SORL1: variants seen among roughly 807,000 people sequenced by gnomAD.
SORL1 encodes the protein sortilin-related receptor.
SORL1 carries 127 observed loss-of-function variants against 273.7 expected under a neutral mutation model. The ratio of observed to expected loss-of-function variants is 0.46; its 90% CI spans 0.40 to 0.54. The LOEUF (loss-of-function observed/expected upper bound fraction) is 0.54. SORL1 is among the 20% of genes least tolerant of loss of function. The pLI is 0.00. For missense variants in SORL1, 2,494 were observed against 2,846.1 expected (o/e 0.88, Z 2.81); for synonymous variants, 1,031 against 1,067.4 (o/e 0.97, Z 0.66).
At chr11:121,470,149 C>CCAAGGTGTGCCCAG in intron 2 of SORL1, 26 bp downstream of exon 2, 3 of 1,478,512 alleles carry the variant, frequency 2.0e-6, no homozygotes, top group Non-Finnish European at 2.8e-6. Context: ...GCTCTGGGCA[C>CCAAGGTGTGCCCAG]ACCTTGGTGC....
chr11:121,502,042 G>A (rs750750832), intron 6 of SORL1, among the ~76,000 whole-genome samples: 2 of 150,630 alleles, frequency 1.3e-5, no homozygotes, highest in Non-Finnish European at 2.9e-5. Flanking sequence ...GTGAATGTTC[G>A]TGTGCACGTT....
chr11:121,493,005 G>A (rs1444217803), intron 5 of SORL1, among the ~76,000 whole-genome samples: 1 of 151,952 alleles, frequency 6.6e-6, no homozygotes, highest in Admixed American at 6.6e-5. Context: ...TTTAGTGAGA[G>A]TCTCACTCTG....
chr11:121,481,159 T>C (rs552156953), intron 3 of SORL1, among the ~76,000 whole-genome samples: 5 of 125,654 alleles, frequency 4.0e-5, no homozygotes, highest in Admixed American at 3.8e-4. Context: ...GCTTCTTCCG[T>C]AGTGCACAGA....
chr11:121,531,760 A>T (rs1862205353), intron 11 of SORL1, among the ~76,000 whole-genome samples: 1 of 152,226 alleles, frequency 6.6e-6, no homozygotes, highest in Non-Finnish European at 1.5e-5. Context: ...GTAAGTTCAT[A>T]TACAAAATTA....
chr11:121,598,373 C>G (rs913799758), intron 32 of SORL1, among the ~76,000 whole-genome samples: 1 of 152,220 alleles, frequency 6.6e-6, no homozygotes, highest in South Asian at 2.1e-4. Flanking sequence ...GGGTTTTCCC[C>G]AGGATGACAG....
chr11:121,560,299 G>A (rs1323588406), intron 21 of SORL1, among the ~76,000 whole-genome samples: 1 of 152,228 alleles, frequency 6.6e-6, no homozygotes, highest in Non-Finnish European at 1.5e-5. Context: ...TGCAGTGGGT[G>A]CAGACAGTAG....
chr11:121,524,509 G>A (rs564545342), intron 11 of SORL1, among the ~76,000 whole-genome samples: 3 of 152,328 alleles, frequency 2.0e-5, no homozygotes, highest in Admixed American at 2.0e-4. Context: ...GAGTTTATCT[G>A]TGTGAGTGGG....
rs760825480 is a variant in SORL1 at position 121,588,136 on chromosome 11, G to A, written c.3931G>A (p.Ala1311Thr). ...CCGCGACGGGTCCGATGAGGATGCGGCGTTTGCAGGATGCTGTGAGTTGGG... is the reference window on the plus strand; with the variant it reads ...CCGCGACGGGTCCGATGAGGATGCGACGTTTGCAGGATGCTGTGAGTTGGG... ...QCRDGSDEDAAFAGCSQDPEF... is the reference protein window; with the variant it reads ...QCRDGSDEDATFAGCSQDPEF... The change falls in exon 28 of 48, where the codon GCG becomes ACG. Residue 1311 changes from alanine (A) to threonine (T), a missense_variant. Physicochemically the swap from Ala to Thr is moderately conservative, Grantham distance 58. Around this residue, in one of 3 missense-constraint regions of SORL1, gnomAD observed 1,609 missense variants for 1,816.4 expected, o/e 0.89. Transcript: ENST00000260197. 2 of 1,613,414 alleles carry A rather than the reference G, an allele frequency of 1.2e-6. No homozygotes were observed. Among genetic ancestry groups the A allele is most frequent in the South Asian group, 2.2e-5 (2 of 91,028 alleles).
At chr11:121,540,527 A>AAAAAAAAAAAAAAAAAAAAAAAAAAAC (rs1862332673) in intron 12 of SORL1, among the ~76,000 whole-genome samples, 1 of 150,136 alleles carries the variant, frequency 6.7e-6, no homozygotes, top group Non-Finnish European at 1.5e-5. Context: ...AAATACAAAA[A>AAAAAAAAAAAAAAAAAAAAAAAAAAAC]AAAAAAAAAG....
intron 21 of SORL1, 145 bp from the exon 22 acceptor site, chr11:121,566,795 G>T (rs186209904): frequency 1.3e-5 from 9 of 697,396 alleles, no homozygotes; most frequent in Middle Eastern, 4.1e-4. Context: ...CACAGTAGGC[G>T]CCCCAAAGCT....
At position 121,532,571 on chromosome 11, in the gene SORL1, G is replaced by A; in HGVS notation, c.1685+19G>A. Reference sequence around the variant, plus strand: ...AGCTAAAGTAAGTGTCTCTGATGAGGCCTTTTAACATCAAACTTTCTCCCA... The same window carrying A: ...AGCTAAAGTAAGTGTCTCTGATGAGACCTTTTAACATCAAACTTTCTCCCA... On this transcript the variant is annotated intron_variant, in intron 12 of 47. Transcript: ENST00000260197. 2 of 1,595,978 alleles carry A rather than the reference G, an allele frequency of 1.3e-6. No individual in the cohort carries two copies. Among genetic ancestry groups the A allele is most frequent in the Non-Finnish European group, 8.6e-7 (1 of 1,163,696 alleles).
At chr11:121,584,357 T>C (rs1325246090) in intron 26 of SORL1, among the ~76,000 whole-genome samples, 1 of 152,262 alleles carries the variant, frequency 6.6e-6, no homozygotes, top group Non-Finnish European at 1.5e-5. Flanking sequence ...TTGCCTCATG[T>C]AGTTTTGATT....
At chr11:121,532,589 T>A in intron 12 of SORL1, 37 bp downstream of exon 12, 1 of 1,544,820 alleles carries the variant, frequency 6.5e-7, no homozygotes, top group Non-Finnish European at 8.9e-7. Context: ...ACATCAAACT[T>A]TCTCCCAGAA....
chr11:121,470,171 C>T (rs1432889524), intron 2 of SORL1, 48 bp downstream of exon 2: 2 of 1,213,052 alleles, frequency 1.6e-6, no homozygotes, highest in Non-Finnish European at 2.5e-6. Flanking sequence ...ATCAACATGC[C>T]CTTTTCTGGT....
intron 7 of SORL1, 112 bp downstream of exon 7, chr11:121,513,216 CT>C: frequency 1.2e-6 from 1 of 800,550 alleles, no homozygotes; most frequent in Non-Finnish European, 2.2e-6. Flanking sequence ...TGGCGCCTCC[CT>C]GAAGTCAGGT....
At chr11:121,544,533 T>C (rs1261661949) in intron 13 of SORL1, among the ~76,000 whole-genome samples, 1 of 152,232 alleles carries the variant, frequency 6.6e-6, no homozygotes, top group African/African-American at 2.4e-5. Flanking sequence ...CCTGATAGCC[T>C]AACAGTCTGT....
At chr11:121,472,665 AAG>A (rs1442316497) in intron 2 of SORL1, among the ~76,000 whole-genome samples, 1 of 152,210 alleles carries the variant, frequency 6.6e-6, no homozygotes, top group African/African-American at 2.4e-5. Context: ...GTGTCTAACT[AAG>A]AGCCCATTGA....
chr11:121,486,097 G>T (rs1861467220), intron 3 of SORL1, among the ~76,000 whole-genome samples: 2 of 152,196 alleles, frequency 1.3e-5, no homozygotes. Context: ...ATTGATCTGG[G>T]TCAGGTGGAG....
At chr11:121,561,810 C>T (rs1862680713) in intron 21 of SORL1, among the ~76,000 whole-genome samples, 1 of 151,940 alleles carries the variant, frequency 6.6e-6, no homozygotes, top group African/African-American at 2.4e-5. Context: ...CCTCTCTGCT[C>T]CTTTCTGTTT....
Sources: gnomAD v4.1 joint callset for allele counts (sites outside exome capture counted in the v4.1 genomes callset) on GRCh38, gnomAD v4.1.1 for gene constraint, gnomAD v4.1.1 regional missense constraint, MANE v1.5 for transcripts, NCBI Gene and HGNC (gene_info 2026-07-23, HGNC 2026-07-21) for gene names.